The following NAV3 variants were observed in gnomAD, a reference collection of about 807,000 sequenced individuals.
NAV3 encodes pore membrane and/or filament interacting like protein 1.
NAV3 carries 87 observed loss-of-function variants against 244.7 expected under a neutral mutation model. That is an observed-to-expected ratio of 0.36 (90% CI 0.30 to 0.42). The LOEUF (loss-of-function observed/expected upper bound fraction) is 0.42. NAV3 is among the 20% of genes least tolerant of loss of function. NAV3 has a pLI of 1.00. For missense variants in NAV3, 2,663 were observed against 2,893.3 expected (o/e 0.92, Z 1.83); for synonymous variants, 1,126 against 1,042.2 (o/e 1.08, Z -1.55).
chr12:77,795,514 C>G (rs1871365429), intron 2 of NAV3, among the ~76,000 whole-genome samples: 1 of 151,972 alleles, frequency 6.6e-6, no homozygotes, highest in Non-Finnish European at 1.5e-5. Context: ...TTTCAATGTA[C>G]AGTAAATGAA....
chr12:78,193,618 T>C (rs1593997537), intron 34 of NAV3, among the ~76,000 whole-genome samples: 1 of 152,248 alleles, frequency 6.6e-6, no homozygotes, highest in Admixed American at 6.6e-5. Flanking sequence ...GGTGCATCAG[T>C]GCCTCAATCT....
At chr12:77,860,155 TGC>T (rs1879051718) in intron 1 of NAV3, among the ~76,000 whole-genome samples, 1 of 151,820 alleles carries the variant, frequency 6.6e-6, no homozygotes, top group Non-Finnish European at 1.5e-5. Flanking sequence ...TATGTATGTG[TGC>T]ACATATGCAC....
chr12:77,625,452 G>A (rs1053385280), intron 2 of NAV3, among the ~76,000 whole-genome samples: 8 of 151,270 alleles, frequency 5.3e-5, no homozygotes, highest in Non-Finnish European at 8.8e-5. Flanking sequence ...TTTAAGGCTC[G>A]AGCTCCTTAA....
chr12:77,899,580 A>G (rs956618325), intron 1 of NAV3, among the ~76,000 whole-genome samples: 1 of 152,260 alleles, frequency 6.6e-6, no homozygotes, highest in Non-Finnish European at 1.5e-5. Flanking sequence ...AATAGACTAC[A>G]GTATAGTACA....
chr12:77,741,516 T>G (rs1429642923), intron 2 of NAV3, among the ~76,000 whole-genome samples: 1 of 152,170 alleles, frequency 6.6e-6, no homozygotes, highest in African/African-American at 2.4e-5. Flanking sequence ...TAACTAGTTT[T>G]TAGTCTCACT....
chr12:77,710,739 A>G (rs893793965), intron 2 of NAV3, among the ~76,000 whole-genome samples: 4 of 152,152 alleles, frequency 2.6e-5, no homozygotes, highest in African/African-American at 9.7e-5. Flanking sequence ...TTGAATTTGT[A>G]TATAATTCTG....
In NAV3 at chr12:78,007,455, C is replaced by G. The variant is rs144353882; in HGVS notation, c.1907+10C>G. The G allele has an allele frequency of 6.2e-7, 1 of 1,608,596 alleles. No individual in the cohort carries two copies. Among genetic ancestry groups the G allele is most frequent in the East Asian group, 2.2e-5 (1 of 44,818 alleles). On this transcript the variant is annotated intron_variant, in intron 8 of 39. Coordinates refer to ENST00000397909, the MANE Select transcript of NAV3 (RefSeq NM_001024383.2). ...CACCATTCATTTACAGGTAAGGTGG[C>G]CTCTGTTTATCCACAGTTGTAAATA...
At chr12:77,924,598 T>C (rs944882878) in intron 1 of NAV3, among the ~76,000 whole-genome samples, 5 of 152,154 alleles carry the variant, frequency 3.3e-5, no homozygotes, top group African/African-American at 1.2e-4. Context: ...TCAACATAGA[T>C]ATCTAAAGTA....
chr12:77,636,977 C>G (rs1872185926), intron 2 of NAV3, among the ~76,000 whole-genome samples: 1 of 151,994 alleles, frequency 6.6e-6, no homozygotes, highest in South Asian at 2.1e-4. Flanking sequence ...ACATCACACA[C>G]TGGGGCCTGT....
intron 39 of NAV3, among the ~76,000 whole-genome samples, chr12:78,209,581 G>A (rs1960689677): frequency 6.6e-6 from 1 of 150,808 alleles, no homozygotes; most frequent in Non-Finnish European, 1.5e-5. Flanking sequence ...TAACAGTGGA[G>A]CTCCAGATCT....
chr12:77,911,473 A>G (rs927996823), intron 1 of NAV3, among the ~76,000 whole-genome samples: 2 of 152,256 alleles, frequency 1.3e-5, no homozygotes, highest in East Asian at 1.9e-4. Context: ...AGTACACATA[A>G]TGGAGTATTT....
chr12:78,054,209 T>C (rs1012031807), intron 11 of NAV3, among the ~76,000 whole-genome samples: 2 of 152,152 alleles, frequency 1.3e-5, no homozygotes, highest in African/African-American at 4.8e-5. Context: ...AAAATACATA[T>C]ATAAGAAAAG....
Position 78,197,350 on chromosome 12 carries a change from G to A in NAV3, c.6395G>A (p.Gly2132Asp), listed in dbSNP as rs745506966. Residue 2132 changes from glycine (G) to aspartate (D), a missense_variant, in exon 35 of 40, where the codon GGC becomes GAC. Transcript: ENST00000397909. ...VIILDNLHHVGSLSDIFNGFL... is the reference protein window; with the variant it reads ...VIILDNLHHVDSLSDIFNGFL... ...ATTCTTGATAATCTTCATCATGTGG[G>A]CTCTCTGAGTGATATCTTCAATGGT... The A allele has an allele frequency of 1.2e-6, 2 of 1,607,830 alleles. No individual in the cohort carries two copies. Among genetic ancestry groups the A allele is most frequent in the African/African-American group, 2.7e-5 (2 of 74,694 alleles).
At chr12:77,955,419 C>A (rs1419964486) in intron 3 of NAV3, among the ~76,000 whole-genome samples, 5 of 152,074 alleles carry the variant, frequency 3.3e-5, no homozygotes, top group African/African-American at 4.8e-5. Flanking sequence ...CTCTGAGTGA[C>A]CTTGGGCATA....
At chr12:77,681,207 C>A (rs1033587716) in intron 2 of NAV3, among the ~76,000 whole-genome samples, 2 of 152,156 alleles carry the variant, frequency 1.3e-5, no homozygotes, top group African/African-American at 4.8e-5. Context: ...CAACTTACTT[C>A]ATCTCCCTTG....
intron 18 of NAV3, among the ~76,000 whole-genome samples, chr12:78,133,692 G>A (rs1366318056): frequency 1.3e-5 from 2 of 152,038 alleles, no homozygotes; most frequent in African/African-American, 2.4e-5. Flanking sequence ...AGTAAACTAT[G>A]GTTCGTGTGT....
chr12:78,095,064 TACACACACACACACACACACAC>T (rs56856471), intron 12 of NAV3, among the ~76,000 whole-genome samples: 38 of 137,426 alleles, frequency 2.8e-4, no homozygotes, highest in Non-Finnish European at 4.5e-4. Context: ...TATATATATA[TACACACACACACACACACACAC>T]ACATATATAT....
At position 77,755,652 on chromosome 12, in the gene NAV3, T is replaced by TCCTTCCTTCCTTCCTTCCTC. The variant is rs1268788080; in HGVS notation, c.72+183392_72+183393insTTCCTTCCTTCCTCCCTTCC. Among the ~76,000 whole-genome samples the TCCTTCCTTCCTTCCTTCCTC allele has an allele frequency of 6.7e-5, 4 of 59,540 alleles. 1 individual carries two copies. The highest frequency in any genetic ancestry group is 2.6e-4 in the African/African-American group (3 of 11,408). The allele number at this position is 59,540 out of a possible 152,430, so 39.1% of individuals were successfully genotyped here. ...TTCCTTCCTTCCTTCCTTCCTTCCTTCCTTCCACTCTCTCTCTTTCTTTCT... is the reference window on the plus strand; with the variant it reads ...TTCCTTCCTTCCTTCCTTCCTTCCTTCCTTCCTTCCTTCCTTCCTCCCTTCCACTCTCTCTCTTTCTTTCT... On this transcript the variant is annotated intron_variant, in intron 2 of 8. Coordinates refer to the NAV3 transcript ENST00000550042.
Position 77,890,001 on chromosome 12 carries a change from T to G in NAV3, c.244-50318T>G, listed in dbSNP as rs139320527. ...CAGTCAAAACTGACACCAAAACCAG[T>G]AGGTGAGGGAAATAACACAAAAACC... On this transcript the variant is annotated intron_variant, in intron 1 of 39. Coordinates refer to ENST00000397909, the MANE Select transcript of NAV3 (RefSeq NM_001024383.2). 9.5e-3 allele frequency among the ~76,000 whole-genome samples: 1,447 copies of G among 152,228 alleles called. 24 individuals carry two copies. Among genetic ancestry groups the G allele is most frequent in the Admixed American group, 0.048 (738 of 15,300 alleles).
Sources: allele counts gnomAD v4.1 joint callset (sites outside exome capture counted in the v4.1 genomes callset), GRCh38; gene constraint gnomAD v4.1.1; transcripts MANE v1.5; gene names NCBI Gene and HGNC (gene_info 2026-07-23, HGNC 2026-07-21).